The following EPHA3 variants were observed in gnomAD, a reference collection of about 807,000 sequenced individuals.
The protein encoded by EPHA3 is EPH receptor A3, also known as ephrin type-A receptor 3.
A neutral mutation model predicts 107.1 loss-of-function variants in EPHA3; 42 were observed. The observed-to-expected ratio is 0.39, with a 90% CI of 0.31 to 0.51. The LOEUF is 0.51. EPHA3 is among the 20% of genes least tolerant of loss of function. The probability of loss-of-function intolerance (pLI) is 0.78; values close to 1 mark genes in which losing one functional copy is unlikely to be tolerated. For synonymous variants in EPHA3, 461 were observed against 424.8 expected, an observed-to-expected ratio of 1.09 and a Z score of -1.05; for missense variants, 1,183 against 1,211.2, an observed-to-expected ratio of 0.98 and a Z score of 0.35.
At chr3:89,120,137 G>A (rs1707344532) in intron 1 of EPHA3, among the ~76,000 whole-genome samples, 1 of 152,068 alleles carries the variant, frequency 6.6e-6, no homozygotes, top group African/African-American at 2.4e-5. Flanking sequence ...TTCCCTTAAT[G>A]ACTATTTGTA....
chr3:89,175,894 TAG>T (rs764891652), intron 2 of EPHA3, among the ~76,000 whole-genome samples: 64 of 152,278 alleles, frequency 4.2e-4, no homozygotes, highest in Non-Finnish European at 6.0e-4. Flanking sequence ...TCCTTCTGAT[TAG>T]AGTTATTCTG....
At chr3:89,434,449 C>A (rs1177116685) in intron 13 of EPHA3, among the ~76,000 whole-genome samples, 1 of 152,148 alleles carries the variant, frequency 6.6e-6, no homozygotes, top group Admixed American at 6.5e-5. Context: ...AACTGCTGAT[C>A]TCAGGTGATC....
chr3:89,481,767 G>T lies in EPHA3; in HGVS notation c.*2265G>T. On this transcript the variant is annotated 3_prime_UTR_variant, in exon 17 of 17. Transcript: ENST00000336596. ...TAAGTGTACGATTCTTAACCATGGA[G>T]TAGAGGTACTAGAATGCTTACGGCC... 4.3e-6 allele frequency: 1 copy of T among 232,028 alleles called. No homozygotes were observed. Among genetic ancestry groups the T allele is most frequent in the Non-Finnish European group, 8.5e-6 (1 of 117,076 alleles). The allele number at this position is 232,028 out of a possible 1,614,324, so 14.4% of individuals were successfully genotyped here.
At chr3:89,356,900 C>G (rs1202898799) in intron 5 of EPHA3, among the ~76,000 whole-genome samples, 1 of 149,948 alleles carries the variant, frequency 6.7e-6, no homozygotes, top group Non-Finnish European at 1.5e-5. Context: ...GTCAGGAGAT[C>G]AAAACCATCA....
chr3:89,352,755 T>C (rs947660808), intron 5 of EPHA3, among the ~76,000 whole-genome samples: 2 of 149,876 alleles, frequency 1.3e-5, no homozygotes, highest in African/African-American at 4.9e-5. Context: ...ATACAAAAAT[T>C]AGCCAGGCAT....
At chr3:89,355,963 C>T (rs1257426557) in intron 5 of EPHA3, among the ~76,000 whole-genome samples, 3 of 148,914 alleles carry the variant, frequency 2.0e-5, no homozygotes, top group Admixed American at 6.8e-5. Context: ...AGGTACTTCT[C>T]CTAAAGCTAT....
intron 3 of EPHA3, among the ~76,000 whole-genome samples, chr3:89,291,508 A>C (rs1171130673): frequency 6.6e-6 from 1 of 152,164 alleles, no homozygotes; most frequent in Admixed American, 6.6e-5. Flanking sequence ...ATGTTTTAAG[A>C]ATTAATGGTT....
chr3:89,341,034 C>T lies in EPHA3; in HGVS notation c.933C>T (p.Phe311=), dbSNP rs1202646851. The T allele has an allele frequency of 1.9e-6, 3 of 1,613,986 alleles. No individual in the cohort carries two copies. Among genetic ancestry groups the T allele is most frequent in the Admixed American group, 1.7e-5 (1 of 59,994 alleles). ...SMNCRCENNY[F]RADKDPPSMA... Reference sequence around the variant, plus strand: ...ACTGCAGGTGTGAGAATAATTACTTCCGGGCAGACAAAGACCCTCCATCCA... The same window carrying T: ...ACTGCAGGTGTGAGAATAATTACTTTCGGGCAGACAAAGACCCTCCATCCA... Residue 311 remains phenylalanine (F), a synonymous_variant, in exon 4 of 17, where the codon TTC becomes TTT. Coordinates refer to ENST00000336596, the MANE Select transcript of EPHA3 (RefSeq NM_005233.6).
At chr3:89,298,805 A>T (rs796258096) in intron 3 of EPHA3, among the ~76,000 whole-genome samples, 1 of 152,116 alleles carries the variant, frequency 6.6e-6, no homozygotes, top group South Asian at 2.1e-4. Context: ...AGGTTAAAGT[A>T]ATATATGATT....
chr3:89,184,498 A>G (rs1385741890), intron 2 of EPHA3, among the ~76,000 whole-genome samples: 2 of 152,054 alleles, frequency 1.3e-5, no homozygotes, highest in African/African-American at 2.4e-5. Context: ...ACTTTCTATA[A>G]TCATATGCAG....
At chr3:89,434,299 C>T (rs1340559520) in intron 13 of EPHA3, among the ~76,000 whole-genome samples, 1 of 152,112 alleles carries the variant, frequency 6.6e-6, no homozygotes, top group African/African-American at 2.4e-5. Context: ...TTCACTGCAA[C>T]CTCTGCCTCC....
At chr3:89,306,570 A>G (rs146204220) in intron 3 of EPHA3, among the ~76,000 whole-genome samples, 1 of 152,288 alleles carries the variant, frequency 6.6e-6, no homozygotes, top group African/African-American at 2.4e-5. Context: ...ATGTGGCCCA[A>G]CCTTCTAGAA....
intron 3 of EPHA3, among the ~76,000 whole-genome samples, chr3:89,290,941 C>G (rs1482581873): frequency 6.6e-6 from 1 of 152,034 alleles, no homozygotes; most frequent in Non-Finnish European, 1.5e-5. Flanking sequence ...AAGAAAAGAA[C>G]AATGAATACC....
At chr3:89,222,962 A>G (rs1704415837) in intron 3 of EPHA3, among the ~76,000 whole-genome samples, 1 of 152,200 alleles carries the variant, frequency 6.6e-6, no homozygotes, top group African/African-American at 2.4e-5. Context: ...TTGGTGTTAT[A>G]GATTACAAAC....
intron 5 of EPHA3, among the ~76,000 whole-genome samples, chr3:89,369,293 A>T (rs1350007245): frequency 1.3e-5 from 2 of 150,956 alleles, no homozygotes; most frequent in Non-Finnish European, 3.0e-5. Context: ...TACTGGTACC[A>T]AAACAGAGAT....
intron 2 of EPHA3, among the ~76,000 whole-genome samples, chr3:89,143,298 T>A (rs1704470631): frequency 6.6e-6 from 1 of 151,520 alleles, no homozygotes. Flanking sequence ...TCATGTTAAT[T>A]AATATAACCC....
chr3:89,170,259 A>C (rs528445565), intron 2 of EPHA3, among the ~76,000 whole-genome samples: 1 of 148,696 alleles, frequency 6.7e-6, no homozygotes, highest in Admixed American at 6.8e-5. Flanking sequence ...CCGTATCAGA[A>C]AAAAAAAAAA....
At chr3:89,159,056 ATTCATTAATATATTAG>A (rs1375903877) in intron 2 of EPHA3, among the ~76,000 whole-genome samples, 1 of 152,096 alleles carries the variant, frequency 6.6e-6, no homozygotes, top group African/African-American at 2.4e-5. Flanking sequence ...TATTTACCTA[ATTCATTAATATATTAG>A]TTCATTTTGT....
intron 2 of EPHA3, among the ~76,000 whole-genome samples, chr3:89,137,140 G>A (rs933255387): frequency 7.2e-5 from 11 of 151,838 alleles, no homozygotes; most frequent in Non-Finnish European, 1.2e-4. Context: ...GACTGAATAG[G>A]TTTGTGCATT....
Sources: gnomAD v4.1 joint callset for allele counts (sites outside exome capture counted in the v4.1 genomes callset) on GRCh38, gnomAD v4.1.1 for gene constraint, MANE v1.5 for transcripts, NCBI Gene and HGNC (gene_info 2026-07-23, HGNC 2026-07-21) for gene names.